OPALIN: variants seen among roughly 807,000 people sequenced by gnomAD.
OPALIN encodes oligodendrocytic myelin paranodal and inner loop protein.
A neutral mutation model predicts 17.8 loss-of-function variants in OPALIN; 15 were observed. The observed-to-expected ratio is 0.84, with a 90% CI of 0.56 to 1.29. The LOEUF is 1.29. OPALIN is among the 50% of genes most tolerant of loss of function. The pLI is 0.00. For missense variants in OPALIN, 170 were observed against 176.0 expected, an observed-to-expected ratio of 0.97 and a Z score of 0.19; for synonymous variants, 62 against 63.8, an observed-to-expected ratio of 0.97 and a Z score of 0.14.
chr10:96,357,880 C>T (rs1034695917), intron 1 of OPALIN, among the ~76,000 whole-genome samples: 2 of 152,084 alleles, frequency 1.3e-5, no homozygotes, highest in African/African-American at 4.8e-5. Context: ...AGTATCTACA[C>T]AATGATTCTG....
rs566670587 is a variant in OPALIN at position 96,343,238 on chromosome 10, C to T, written c.*2703G>A. 6.6e-6 allele frequency: 1 copy of T among 152,312 alleles called. No homozygotes were observed. The highest frequency in any genetic ancestry group is 1.9e-4 in the East Asian group (1 of 5,188). The allele number at this position is 152,312 out of a possible 1,614,324, so 9.4% of individuals were successfully genotyped here. ...ACATTTTGTAGGTTCATAAGAATGG[C>T]CATTTTACTTTTCACTTCATTCCAA... On this transcript the variant is annotated 3_prime_UTR_variant, in exon 6 of 6. Coordinates refer to ENST00000371172, the MANE Select transcript of OPALIN (RefSeq NM_033207.5).
chr10:96,358,424 A>G (rs1204548570), intron 1 of OPALIN, among the ~76,000 whole-genome samples: 1 of 152,196 alleles, frequency 6.6e-6, no homozygotes, highest in Non-Finnish European at 1.5e-5. Flanking sequence ...GGCTGTTTCC[A>G]TAATTCTTTA....
chr10:96,351,234 C>T (rs567940426), intron 3 of OPALIN, 144 bp downstream of exon 3: 22 of 608,756 alleles, frequency 3.6e-5, no homozygotes, highest in African/African-American at 7.9e-5. Context: ...CACTTTTGAG[C>T]GGAGCTGGTC....
At chr10:96,356,870 G>T (rs1328373857) in intron 1 of OPALIN, 1 of 984,938 alleles carries the variant, frequency 1.0e-6, no homozygotes, top group Non-Finnish European at 1.2e-6. Context: ...ATTTGAACAG[G>T]TTTCCCAAGT....
In OPALIN at chr10:96,349,744, A is replaced by G; in HGVS notation, c.155T>C (p.Leu52Ser). The G allele has an allele frequency of 6.2e-7, 1 of 1,614,060 alleles. No individual in the cohort carries two copies. The highest frequency in any genetic ancestry group is 1.3e-5 in the African/African-American group (1 of 75,044). The change falls in exon 4 of 6, where the codon TTG becomes TCG. Residue 52 changes from leucine to serine, a missense_variant. Coordinates refer to ENST00000371172, the MANE Select transcript of OPALIN (RefSeq NM_033207.5). ...AATGCTGCTTCTTCTTCGGTGAATC[A>G]AAGTAAATAGTAAAGCCACCAGCAG... ...TALLVALLFT[L>S]IHRRRSSIEA...
rs1845280036 is a variant in OPALIN, at chr10:96,345,619, A to G, written c.*322T>C. The G allele has an allele frequency of 4.0e-6, 1 of 251,328 alleles. No individual in the cohort carries two copies. Among genetic ancestry groups the G allele is most frequent in the East Asian group, 7.5e-5 (1 of 13,318 alleles). 15.6% of individuals were successfully genotyped at this position (251,328 alleles called of 1,614,324 possible). ...GAGAAAAAGGATATGAAAAAAAAAG[A>G]TGAGAAGGCAAGACACTCAGAAACC... On this transcript the variant is annotated 3_prime_UTR_variant, in exon 6 of 6. Transcript: ENST00000371172.
At position 96,343,648 on chromosome 10, in the gene OPALIN, A is replaced by G. The variant is rs750695246; in HGVS notation, c.*2293T>C. 1 of 152,264 alleles carries G rather than the reference A, an allele frequency of 6.6e-6. No homozygotes were observed. The highest frequency in any genetic ancestry group is 1.5e-5 in the Non-Finnish European group (1 of 68,050). The allele number at this position is 152,264 out of a possible 1,614,324, so 9.4% of individuals were successfully genotyped here. A position where few individuals can be genotyped will look rare whatever the true frequency, so the allele number is the denominator to read the frequency against. ...ATGTAGGAGAAGTACAAGCACCAGG[A>G]TGACTGGGAATGTCTGTTTAAAAAT... is the stretch of plus-strand genomic sequence containing the variant. On this transcript the variant is annotated 3_prime_UTR_variant, in exon 6 of 6. Coordinates refer to ENST00000371172, the MANE Select transcript of OPALIN (RefSeq NM_033207.5).
At chr10:96,356,305 A>G (rs1449787774) in intron 1 of OPALIN, among the ~76,000 whole-genome samples, 1 of 152,238 alleles carries the variant, frequency 6.6e-6, no homozygotes. Flanking sequence ...CTGTCATTGT[A>G]GAAACAATGC....
intron 3 of OPALIN, 60 bp from the exon 4 acceptor site, chr10:96,349,886 A>C: frequency 6.7e-7 from 1 of 1,493,174 alleles, no homozygotes; most frequent in Non-Finnish European, 8.9e-7. Context: ...TAATAAAGGA[A>C]AAATTCAATA....
At chr10:96,356,452 G>T (rs1845822380) in intron 1 of OPALIN, among the ~76,000 whole-genome samples, 1 of 152,186 alleles carries the variant, frequency 6.6e-6, no homozygotes, top group Non-Finnish European at 1.5e-5. Flanking sequence ...TCCAGCAGAG[G>T]AAACTGAAAC....
rs1473494462 is a variant in OPALIN, at chr10:96,344,294, C to T, written c.*1647G>A. On this transcript the variant is annotated 3_prime_UTR_variant, in exon 6 of 6. Transcript: ENST00000371172. Reference sequence around the variant, plus strand: ...ACACACAGTCCGTCGCAGAACTGCCCTCCTTAAATACTCTCTGATTACAGA... The same window carrying T: ...ACACACAGTCCGTCGCAGAACTGCCTTCCTTAAATACTCTCTGATTACAGA... 3.9e-5 allele frequency: 6 copies of T among 152,142 alleles called. No individual in the cohort carries two copies. The highest frequency in any genetic ancestry group is 9.7e-5 in the African/African-American group (4 of 41,390). The allele number at this position is 152,142 out of a possible 1,614,324, so 9.4% of individuals were successfully genotyped here.
chr10:96,353,398 G>A (rs768742955), intron 2 of OPALIN: 23 of 1,612,140 alleles, frequency 1.4e-5, no homozygotes, highest in Admixed American at 3.3e-5. Context: ...CTGCACTGAA[G>A]TGGAAGGGTT....
chr10:96,356,036 A>G (rs745841035), intron 1 of OPALIN, among the ~76,000 whole-genome samples: 2 of 152,074 alleles, frequency 1.3e-5, no homozygotes, highest in Non-Finnish European at 2.9e-5. Flanking sequence ...GCTCCTTACC[A>G]AGTCCTTTCC....
At chr10:96,348,064 C>T (rs1160306759) in intron 5 of OPALIN, among the ~76,000 whole-genome samples, 2 of 152,168 alleles carry the variant, frequency 1.3e-5, no homozygotes, top group African/African-American at 4.8e-5. Context: ...TTTAGTTTGT[C>T]AGTAAAATAA....
intron 2 of OPALIN, among the ~76,000 whole-genome samples, 136 bp downstream of exon 2, chr10:96,355,096 CAAAAAAAAAAAAAAAAAAAAAAA>C (rs56995726): frequency 4.9e-4 from 22 of 45,174 alleles, no homozygotes; most frequent in East Asian, 8.3e-4. Flanking sequence ...GACCTTGTCT[CAAAAAAAAAAAAAAAAAAAAAAA>C]AAAAAAAAAA....
In OPALIN at chr10:96,351,395, T is replaced by G; in HGVS notation, c.55A>C (p.Thr19Pro). ...LPANTTSSPV[T>P]GGKETDCGPS... is the part of the protein sequence containing the mutation. Reference sequence around the variant, plus strand: ...ATAGTTACCGTTTCTTTCCCACCTGTGACAGGAGAGGACGTCTGTATGGAA... The same window carrying G: ...ATAGTTACCGTTTCTTTCCCACCTGGGACAGGAGAGGACGTCTGTATGGAA... Residue 19 changes from threonine (T) to proline (P), a missense_variant, in exon 3 of 6, where the codon ACA becomes CCA. Physicochemically the swap from Thr to Pro is conservative, Grantham distance 38. Transcript: ENST00000371172. 4 of 1,542,608 alleles carry G rather than the reference T, an allele frequency of 2.6e-6. No individual in the cohort carries two copies. The South Asian group carries it at 4.8e-5, about 19-fold the overall frequency.
chr10:96,350,083 T>C (rs141923906), intron 3 of OPALIN, among the ~76,000 whole-genome samples: 50 of 152,318 alleles, frequency 3.3e-4, no homozygotes, highest in African/African-American at 1.2e-3. Flanking sequence ...GGGCAAAGGA[T>C]ATGAACAGGT....
Position 96,344,025 on chromosome 10 carries a change from C to G in OPALIN, c.*1916G>C, listed in dbSNP as rs1845204448. 1 of 152,224 alleles carries G rather than the reference C, an allele frequency of 6.6e-6. No individual in the cohort carries two copies. 9.4% of individuals were successfully genotyped at this position (152,224 alleles called of 1,614,324 possible). ...CATGGGAGTGAAAGTGAAAGCCTGTCCCAAGCTGGCTGAATGGCAGGCACG... is the reference window on the plus strand; with the variant it reads ...CATGGGAGTGAAAGTGAAAGCCTGTGCCAAGCTGGCTGAATGGCAGGCACG... On this transcript the variant is annotated 3_prime_UTR_variant, in exon 6 of 6. Coordinates refer to ENST00000371172, the MANE Select transcript of OPALIN (RefSeq NM_033207.5).
chr10:96,348,382 G>T (rs770615269), intron 4 of OPALIN, 37 bp from the exon 5 acceptor site: 1 of 1,067,096 alleles, frequency 9.4e-7, no homozygotes, highest in African/African-American at 1.6e-5. Flanking sequence ...AAGAAAGAAA[G>T]AAGAAGAAGT....
Sources: allele counts gnomAD v4.1 joint callset (sites outside exome capture counted in the v4.1 genomes callset), GRCh38; gene constraint gnomAD v4.1.1; transcripts MANE v1.5; gene names NCBI Gene and HGNC (gene_info 2026-07-23, HGNC 2026-07-21).